The following ELK4 variants were observed in gnomAD, a reference collection of about 807,000 sequenced individuals.
ELK4 encodes the protein ETS domain-containing protein Elk-4.
Under a neutral mutation model 29.6 loss-of-function variants are expected in ELK4, and 16 were observed. The observed-to-expected ratio is 0.54, with a 90% CI of 0.37 to 0.82. The LOEUF (loss-of-function observed/expected upper bound fraction) is 0.82, where lower values mean the gene tolerates loss of function less well. Ranked by LOEUF, ELK4 falls within the 40% of genes least tolerant of loss-of-function variation. The pLI is 0.00. For missense variants in ELK4, 465 were observed against 507.1 expected (o/e 0.92, Z 0.80); for synonymous variants, 213 against 191.1 (o/e 1.11, Z -0.95).
chr1:205,626,496 C>CT (rs917561757), intron 1 of ELK4, among the ~76,000 whole-genome samples: 1 of 152,088 alleles, frequency 6.6e-6, no homozygotes, highest in Non-Finnish European at 1.5e-5. Flanking sequence ...CTTTTACTAC[C>CT]TTTTTGGGGG....
chr1:205,623,716 T>C lies in ELK4; in HGVS notation c.167A>G (p.Tyr56Cys). 1.2e-6 allele frequency: 2 copies of C among 1,614,182 alleles called. No individual in the cohort carries two copies. The highest frequency in any genetic ancestry group is 1.7e-6 in the Non-Finnish European group (2 of 1,180,036). The change falls in exon 2 of 5, where the codon TAT becomes TGT. Residue 56 changes from tyrosine to cysteine, a missense_variant. Tyr to Cys is a radical substitution (Grantham distance 194). Coordinates refer to ENST00000357992, the MANE Select transcript of ELK4 (RefSeq NM_001973.4). Reference protein sequence around the residue: ...GIRKNKPNMNYDKLSRALRYY... With the variant: ...GIRKNKPNMNCDKLSRALRYY... Reference sequence around the variant, plus strand: ...TCTGAGGGCTCGGCTGAGTTTGTCATAATTCATGTTAGGCTTGTTCTTGCG... The same window carrying C: ...TCTGAGGGCTCGGCTGAGTTTGTCACAATTCATGTTAGGCTTGTTCTTGCG...
rs753769275 is a variant in ELK4 at position 205,631,769 on chromosome 1, C to A, written c.-147G>T. On this transcript the variant is annotated 5_prime_UTR_variant, in exon 1 of 5. Coordinates refer to ENST00000357992, the MANE Select transcript of ELK4 (RefSeq NM_001973.4). ...ACCCCCGCGGCGGAGCCGTAGAAGG[C>A]GGCGGCGGCCAAGCCGAGCCCGCCG... is the stretch of plus-strand genomic sequence containing the variant. 1.5e-4 allele frequency: 37 copies of A among 247,566 alleles called. 2 individuals are homozygous for A. Among genetic ancestry groups the A allele is most frequent in the South Asian group, 1.4e-3 (35 of 25,536 alleles). The allele number at this position is 247,566 out of a possible 1,614,324, so 15.3% of individuals were successfully genotyped here.
In ELK4 at chr1:205,609,865, C is replaced by T; in HGVS notation, c.*6681G>A. 4.4e-6 allele frequency: 1 copy of T among 227,040 alleles called. No individual in the cohort carries two copies. The highest frequency in any genetic ancestry group is 6.4e-5 in the East Asian group (1 of 15,680). The allele number at this position is 227,040 out of a possible 1,614,324, so 14.1% of individuals were successfully genotyped here. On this transcript the variant is annotated 3_prime_UTR_variant, in exon 5 of 5. Transcript: ENST00000357992. Reference sequence around the variant, plus strand: ...GCCAAAAGGGCATACCTTACAGAGCCTAGAAGAATGGCTCATTAGGTAACC... The same window carrying T: ...GCCAAAAGGGCATACCTTACAGAGCTTAGAAGAATGGCTCATTAGGTAACC...
intron 2 of ELK4, among the ~76,000 whole-genome samples, chr1:205,621,346 G>A (rs1204736088): frequency 6.6e-6 from 1 of 151,782 alleles, no homozygotes; most frequent in South Asian, 2.1e-4. Flanking sequence ...GTTAAGGCAA[G>A]AACATTTAAA....
Position 205,620,298 on chromosome 1 carries a change from C to T in ELK4, c.748G>A (p.Ala250Thr). 6.2e-7 allele frequency: 1 copy of T among 1,614,138 alleles called. No individual in the cohort carries two copies. The highest frequency in any genetic ancestry group is 1.1e-5 in the South Asian group (1 of 91,078). The change falls in exon 3 of 5, where the codon GCC (alanine) becomes ACC (threonine). Residue 250 changes from alanine (A) to threonine (T), a missense_variant. Coordinates refer to ENST00000357992, the MANE Select transcript of ELK4 (RefSeq NM_001973.4). ...TSASNVMTAF[A>T]TTPPISSIPP... ...ATGGACGAAATGGGTGGTGTGGTGG[C>T]AAAAGCAGTCATTACGTTAGAGGCA...
intron 1 of ELK4, among the ~76,000 whole-genome samples, chr1:205,630,269 A>G (rs540763554): frequency 1.3e-5 from 2 of 152,200 alleles, no homozygotes; most frequent in Non-Finnish European, 2.9e-5. Flanking sequence ...AATTGATTCT[A>G]TTTTAACACT....
chr1:205,630,533 G>GT (rs1558025267), intron 1 of ELK4, among the ~76,000 whole-genome samples: 6 of 152,150 alleles, frequency 3.9e-5, no homozygotes, highest in African/African-American at 9.7e-5. Context: ...ATCAAGCCTA[G>GT]TTTCGAATCA....
rs1284952361 is a variant in ELK4 at position 205,611,303 on chromosome 1, G to A, written c.*5243C>T. Reference sequence around the variant, plus strand: ...CGGCTTACAGGTCAAAACATGACTTGTATAGTAACAGGTTCCACCAAGTAC... The same window carrying A: ...CGGCTTACAGGTCAAAACATGACTTATATAGTAACAGGTTCCACCAAGTAC... On this transcript the variant is annotated 3_prime_UTR_variant, in exon 5 of 5. Coordinates refer to ENST00000357992, the MANE Select transcript of ELK4 (RefSeq NM_001973.4). The A allele has an allele frequency of 4.8e-6, 1 of 209,554 alleles. No individual in the cohort carries two copies. The highest frequency in any genetic ancestry group is 9.7e-6 in the Non-Finnish European group (1 of 103,142). 13.0% of individuals were successfully genotyped at this position (209,554 alleles called of 1,614,324 possible).
intron 1 of ELK4, among the ~76,000 whole-genome samples, chr1:205,626,813 G>T (rs2102385028): frequency 6.6e-6 from 1 of 152,234 alleles, no homozygotes; most frequent in Non-Finnish European, 1.5e-5. Flanking sequence ...ATACCCAAAA[G>T]AAATGAAAAC....
rs192666356 is a variant in ELK4, at chr1:205,615,860, C to G, written c.*686G>C. On this transcript the variant is annotated 3_prime_UTR_variant, in exon 5 of 5. Coordinates refer to ENST00000357992, the MANE Select transcript of ELK4 (RefSeq NM_001973.4). ...ATCTTTCTATAGTGAAATAGACTAG[C>G]TCCATGCTCTGTTGACAGGTTCAGA... 1 of 213,040 alleles carries G rather than the reference C, an allele frequency of 4.7e-6. No individual in the cohort carries two copies. The highest frequency in any genetic ancestry group is 7.0e-5 in the East Asian group (1 of 14,280). 13.2% of individuals were successfully genotyped at this position (213,040 alleles called of 1,614,324 possible).
chr1:205,619,204 T>C (rs1006608693), intron 3 of ELK4, 131 bp from the exon 4 acceptor site: 1 of 1,147,638 alleles, frequency 8.7e-7, no homozygotes, highest in Non-Finnish European at 1.1e-6. Flanking sequence ...GTCTGAAATA[T>C]TATCATGACA....
chr1:205,614,057 T>A lies in ELK4; in HGVS notation c.*2489A>T, dbSNP rs961950561. Reference sequence around the variant, plus strand: ...TTGTAAACTTTGACTTAAAAAAGGATACGCACACACACACTTCTCCAAATT... The same window carrying A: ...TTGTAAACTTTGACTTAAAAAAGGAAACGCACACACACACTTCTCCAAATT... On this transcript the variant is annotated 3_prime_UTR_variant, in exon 5 of 5. Transcript: ENST00000357992. 2 of 225,110 alleles carry A rather than the reference T, an allele frequency of 8.9e-6. No homozygotes were observed. Among genetic ancestry groups the A allele is most frequent in the Admixed American group, 1.1e-4 (2 of 17,490 alleles). 13.9% of individuals were successfully genotyped at this position (225,110 alleles called of 1,614,324 possible).
chr1:205,628,270 T>C (rs1207785817), intron 1 of ELK4, among the ~76,000 whole-genome samples: 1 of 152,224 alleles, frequency 6.6e-6, no homozygotes, highest in Non-Finnish European at 1.5e-5. Flanking sequence ...TTTCTTCTGA[T>C]GATGCCTAAT....
At chr1:205,617,998 A>C (rs1342463145) in intron 4 of ELK4, among the ~76,000 whole-genome samples, 2 of 97,486 alleles carry the variant, frequency 2.1e-5, no homozygotes, top group African/African-American at 7.0e-5. Flanking sequence ...AGAGAGAGAG[A>C]GCAAGAGAGA....
chr1:205,627,515 AAAAAAG>A (rs1248192090), intron 1 of ELK4, among the ~76,000 whole-genome samples: 5 of 149,846 alleles, frequency 3.3e-5, no homozygotes, highest in Admixed American at 6.7e-5. Context: ...CCTCAAAAAA[AAAAAAG>A]AAAAGAAAAT....
chr1:205,627,910 A>C (rs968032616), intron 1 of ELK4, among the ~76,000 whole-genome samples: 1 of 152,226 alleles, frequency 6.6e-6, no homozygotes, highest in African/African-American at 2.4e-5. Context: ...AAAGGATAGA[A>C]AGGGAGAGAT....
At position 205,615,103 on chromosome 1, in the gene ELK4, T is replaced by A. The variant is rs1269188394; in HGVS notation, c.*1443A>T. On this transcript the variant is annotated 3_prime_UTR_variant, in exon 5 of 5. Transcript: ENST00000357992. The stretch of plus-strand genomic sequence containing the variant: ...CAAATGAACTCTGCTCTTCCCCATT[T>A]AAAAAAAAAAAGTTGAAAGAAATAA... 5.2e-5 allele frequency: 9 copies of A among 172,800 alleles called. No homozygotes were observed. The highest frequency in any genetic ancestry group is 3.0e-4 in the East Asian group (3 of 10,090). The allele number at this position is 172,800 out of a possible 1,614,324, so 10.7% of individuals were successfully genotyped here.
At chr1:205,627,425 C>A (rs774676276) in intron 1 of ELK4, among the ~76,000 whole-genome samples, 3 of 151,750 alleles carry the variant, frequency 2.0e-5, no homozygotes, top group South Asian at 2.1e-4. Context: ...AGGAGAATGG[C>A]GTGAACCTGG....
In ELK4 at chr1:205,612,757, G is replaced by A. The variant is rs1670171540; in HGVS notation, c.*3789C>T. On this transcript the variant is annotated 3_prime_UTR_variant, in exon 5 of 5. Transcript: ENST00000357992. ...CAATGCAGGGGTGAATGGAACTGAA[G>A]TGATACTATCAACAGCCTGGAGTTA... 1 of 210,192 alleles carries A rather than the reference G, an allele frequency of 4.8e-6. No individual in the cohort carries two copies. Among genetic ancestry groups the A allele is most frequent in the Admixed American group, 5.9e-5 (1 of 16,958 alleles). The allele number at this position is 210,192 out of a possible 1,614,324, so 13.0% of individuals were successfully genotyped here. A position where few individuals can be genotyped will look rare whatever the true frequency, so the allele number is the denominator to read the frequency against.
Sources: allele counts gnomAD v4.1 joint callset (sites outside exome capture counted in the v4.1 genomes callset), GRCh38; gene constraint gnomAD v4.1.1; transcripts MANE v1.5; gene names NCBI Gene and HGNC (gene_info 2026-07-23, HGNC 2026-07-21).